GRM7: variants seen among roughly 807,000 people sequenced by gnomAD.
The protein encoded by GRM7 is metabotropic glutamate receptor 7.
A neutral mutation model predicts 84.5 loss-of-function variants in GRM7; 35 were observed. The ratio of observed to expected loss-of-function variants is 0.41; its 90% CI spans 0.32 to 0.55. The LOEUF (loss-of-function observed/expected upper bound fraction) is 0.55, where lower values mean the gene tolerates loss of function less well. Ranked by LOEUF, GRM7 falls within the 20% of genes least tolerant of loss-of-function variation. The pLI is 0.19. For synonymous variants in GRM7, 487 were observed against 455.1 expected, an observed-to-expected ratio of 1.07 and a Z score of -0.89; for missense variants, 1,003 against 1,194.6, an observed-to-expected ratio of 0.84 and a Z score of 2.36.
intron 1 of GRM7, among the ~76,000 whole-genome samples, chr3:6,890,537 C>A (rs555947765): frequency 3.9e-4 from 59 of 152,106 alleles, no homozygotes; most frequent in African/African-American, 6.0e-4. Context: ...TGTAGTTGAG[C>A]GGTTTTGAGT....
chr3:7,276,041 C>G (rs142037286), intron 2 of GRM7, among the ~76,000 whole-genome samples: 142 of 152,200 alleles, frequency 9.3e-4, no homozygotes, highest in Admixed American at 2.2e-3. Flanking sequence ...ATGTTAGGGG[C>G]AGCAGTTTGT....
At chr3:7,468,431 CT>C (rs1333671265) in intron 7 of GRM7, among the ~76,000 whole-genome samples, 1 of 152,020 alleles carries the variant, frequency 6.6e-6, no homozygotes, top group Non-Finnish European at 1.5e-5. Context: ...GTAAAGCAGG[CT>C]TATGGTAGTA....
At chr3:7,316,389 C>G (rs1700584028) in intron 4 of GRM7, among the ~76,000 whole-genome samples, 1 of 152,008 alleles carries the variant, frequency 6.6e-6, no homozygotes, top group African/African-American at 2.4e-5. Flanking sequence ...AGGATAATAT[C>G]TAGGAGACTG....
At chr3:7,210,863 T>C (rs1696401124) in intron 2 of GRM7, among the ~76,000 whole-genome samples, 1 of 151,848 alleles carries the variant, frequency 6.6e-6, no homozygotes, top group Non-Finnish European at 1.5e-5. Flanking sequence ...TTTAAACTGA[T>C]GTTACTCTGG....
chr3:7,189,160 A>T (rs182903773), intron 2 of GRM7, among the ~76,000 whole-genome samples: 12 of 152,202 alleles, frequency 7.9e-5, no homozygotes, highest in Admixed American at 1.3e-4. Flanking sequence ...ATACAAATGT[A>T]TGTATATATG....
rs73812020 is a variant in GRM7, at chr3:7,017,424, C to A, written c.520-129028C>A. Among the ~76,000 whole-genome samples the A allele has an allele frequency of 4.7e-3, 708 of 152,228 alleles. 2 individuals carry two copies. Among genetic ancestry groups the A allele is most frequent in the African/African-American group, 0.016 (668 of 41,524 alleles). On this transcript the variant is annotated intron_variant, in intron 1 of 9. Transcript: ENST00000357716. ...TTTATTGTTAAAACCCAAAAAATATCAACAGGCCATGAGCTGGGCAAGCGA... is the reference window on the plus strand; with the variant it reads ...TTTATTGTTAAAACCCAAAAAATATAAACAGGCCATGAGCTGGGCAAGCGA...
At chr3:7,329,234 G>T (rs759946140) in intron 4 of GRM7, among the ~76,000 whole-genome samples, 38 of 152,236 alleles carry the variant, frequency 2.5e-4, no homozygotes, top group Non-Finnish European at 4.9e-4. Flanking sequence ...GCTTCCAGGA[G>T]GAGAGAAACA....
At chr3:7,024,091 C>T (rs898936971) in intron 1 of GRM7, among the ~76,000 whole-genome samples, 2 of 152,174 alleles carry the variant, frequency 1.3e-5, no homozygotes, top group Admixed American at 6.5e-5. Context: ...TTCTCTTTTT[C>T]TTCCAGTCTC....
At chr3:7,639,255 C>G (rs76207755) in intron 8 of GRM7, among the ~76,000 whole-genome samples, 1 of 152,308 alleles carries the variant, frequency 6.6e-6, no homozygotes, top group East Asian at 1.9e-4. Flanking sequence ...TCACTCCCCT[C>G]TCTCTCTGTG....
intron 7 of GRM7, among the ~76,000 whole-genome samples, chr3:7,574,825 C>T (rs1694880762): frequency 1.3e-5 from 2 of 152,272 alleles, no homozygotes; most frequent in Middle Eastern, 3.4e-3. Flanking sequence ...TCTTTCAAAG[C>T]GATTTGTGTG....
At chr3:6,876,281 A>T (rs1218934866) in intron 1 of GRM7, among the ~76,000 whole-genome samples, 2 of 151,844 alleles carry the variant, frequency 1.3e-5, no homozygotes, top group Admixed American at 6.6e-5. Context: ...AAAAAAAAAA[A>T]TTATTATGGC....
intron 8 of GRM7, among the ~76,000 whole-genome samples, chr3:7,638,756 A>C (rs1322432538): frequency 6.6e-6 from 1 of 152,246 alleles, no homozygotes; most frequent in East Asian, 1.9e-4. Flanking sequence ...AACAGGGATC[A>C]CAGCACAAAG....
At chr3:7,600,202 A>G (rs1696249164) in intron 8 of GRM7, among the ~76,000 whole-genome samples, 2 of 152,048 alleles carry the variant, frequency 1.3e-5, no homozygotes, top group Non-Finnish European at 2.9e-5. Context: ...TTACTTAAAA[A>G]TCAATTTATT....
intron 2 of GRM7, among the ~76,000 whole-genome samples, chr3:7,287,087 T>A (rs1033854068): frequency 6.6e-6 from 1 of 152,134 alleles, no homozygotes; most frequent in African/African-American, 2.4e-5. Context: ...ACTGGCATGG[T>A]TGATCCCATA....
chr3:6,936,696 A>G (rs1347274232), intron 1 of GRM7, among the ~76,000 whole-genome samples: 1 of 152,126 alleles, frequency 6.6e-6, no homozygotes, highest in South Asian at 2.1e-4. Context: ...TTAATGTTTA[A>G]AAGAATCACA....
chr3:7,616,667 G>T (rs1697095734), intron 8 of GRM7, among the ~76,000 whole-genome samples: 1 of 151,846 alleles, frequency 6.6e-6, no homozygotes, highest in Non-Finnish European at 1.5e-5. Flanking sequence ...TCTTTTCTTT[G>T]GATTTATAAT....
chr3:7,195,045 A>G (rs1695834583), intron 2 of GRM7, among the ~76,000 whole-genome samples: 1 of 152,158 alleles, frequency 6.6e-6, no homozygotes, highest in Admixed American at 6.6e-5. Flanking sequence ...TTATTGTTAA[A>G]TAAGTGCCTG....
chr3:6,899,337 A>T (rs1337709826), intron 1 of GRM7, among the ~76,000 whole-genome samples: 2 of 152,202 alleles, frequency 1.3e-5, no homozygotes, highest in Non-Finnish European at 2.9e-5. Flanking sequence ...GCTTTTTATT[A>T]CAGGGCATGT....
intron 8 of GRM7, among the ~76,000 whole-genome samples, chr3:7,664,492 C>G (rs968584151): frequency 1.8e-4 from 27 of 152,146 alleles, no homozygotes; most frequent in South Asian, 8.3e-4. Context: ...AAAGTCTGTG[C>G]TTTGGAATTG....
Sources: allele counts gnomAD v4.1 joint callset (sites outside exome capture counted in the v4.1 genomes callset), GRCh38; gene constraint gnomAD v4.1.1; transcripts MANE v1.5; gene names NCBI Gene and HGNC (gene_info 2026-07-23, HGNC 2026-07-21).